LRBA: variants seen among roughly 807,000 people sequenced by gnomAD.
LRBA encodes the protein LPS responsive beige-like anchor protein.
LRBA carries 176 observed loss-of-function variants against 330.0 expected under a neutral mutation model. That is an observed-to-expected ratio of 0.53 (90% CI 0.47 to 0.60). The LOEUF (loss-of-function observed/expected upper bound fraction) is 0.60. Among genes scored for constraint, LRBA ranks in the 20% least tolerant of loss-of-function variants. The pLI is 0.00. For synonymous variants in LRBA, 1,230 were observed against 1,193.0 expected (o/e 1.03, Z -0.64); for missense variants, 3,259 against 3,444.8 (o/e 0.95, Z 1.35).
intron 53 of LRBA, among the ~76,000 whole-genome samples, chr4:150,294,674 A>G (rs985929333): frequency 1.3e-5 from 2 of 152,234 alleles, no homozygotes; most frequent in Non-Finnish European, 2.9e-5. Flanking sequence ...GCAGCAGGCC[A>G]GGCGCAGTGG....
intron 37 of LRBA, among the ~76,000 whole-genome samples, chr4:150,607,845 G>T (rs1425072048): frequency 6.6e-6 from 1 of 152,062 alleles, no homozygotes; most frequent in African/African-American, 2.4e-5. Flanking sequence ...GACCAGCCTG[G>T]CCAACGTGGT....
chr4:150,621,709 A>G lies in LRBA; in HGVS notation c.5922-22578T>C, dbSNP rs1581837965. ...TACACTTGCCTGTATGTTCAAAATC[A>G]TTACTTCCAGTTCCTCAGAAATCTC... On this transcript the variant is annotated intron_variant, in intron 37 of 56. Transcript: ENST00000651943. 2.0e-5 allele frequency among the ~76,000 whole-genome samples: 3 copies of G among 152,350 alleles called. No homozygotes were observed. The Middle Eastern group carries it at 0.01, about 518-fold the overall frequency.
chr4:150,524,999 T>C (rs893300444), intron 40 of LRBA, among the ~76,000 whole-genome samples: 2 of 152,168 alleles, frequency 1.3e-5, no homozygotes, highest in South Asian at 2.1e-4. Context: ...GACCTATATA[T>C]ATCTTGATAT....
chr4:150,817,086 A>G, intron 31 of LRBA, 38 bp downstream of exon 31: 1 of 1,596,444 alleles, frequency 6.3e-7, no homozygotes, highest in Non-Finnish European at 8.6e-7. Context: ...AATGAGATCT[A>G]AAAACATTTT....
chr4:150,520,771 A>G (rs1247441287), intron 40 of LRBA, among the ~76,000 whole-genome samples: 1 of 152,192 alleles, frequency 6.6e-6, no homozygotes, highest in Non-Finnish European at 1.5e-5. Flanking sequence ...AACAAGAGAC[A>G]CTGGGGCCTA....
chr4:150,765,131 T>C (rs561003235), intron 34 of LRBA, among the ~76,000 whole-genome samples: 7 of 148,964 alleles, frequency 4.7e-5, no homozygotes, highest in Non-Finnish European at 1.0e-4. Context: ...ATGGAGAAAA[T>C]GTAAAAGTAT....
chr4:150,755,169 C>T (rs746769209), intron 35 of LRBA, among the ~76,000 whole-genome samples: 36 of 152,134 alleles, frequency 2.4e-4, no homozygotes, highest in Non-Finnish European at 4.1e-4. Context: ...AAGGATGGAG[C>T]GGCTAAATGA....
intron 35 of LRBA, among the ~76,000 whole-genome samples, chr4:150,745,606 C>G (rs1166827338): frequency 6.6e-6 from 1 of 152,038 alleles, no homozygotes; most frequent in Non-Finnish European, 1.5e-5. Context: ...ACCTCTGGCT[C>G]CCTGGTTCAA....
chr4:150,428,580 C>T (rs58291469), intron 46 of LRBA, among the ~76,000 whole-genome samples: 3,393 of 152,150 alleles, frequency 0.022, 125 homozygotes, highest in African/African-American at 0.076. Flanking sequence ...CGCTATTTTT[C>T]CCAGGCTCTT....
chr4:151,015,231 C>T lies in LRBA; in HGVS notation c.-249G>A, dbSNP rs530994291. The stretch of plus-strand genomic sequence containing the variant: ...ATACTCCGGACTCGTCCTCACCCCC[C>T]GCCCAGGAGCAGCGAGACCGAGGTG... On this transcript the variant is annotated 5_prime_UTR_variant, in exon 1 of 57. Coordinates refer to ENST00000651943, the MANE Select transcript of LRBA (RefSeq NM_001364905.1). The T allele has an allele frequency of 2.0e-5, 3 of 152,854 alleles. No individual in the cohort carries two copies. Among genetic ancestry groups the T allele is most frequent in the African/African-American group, 7.2e-5 (3 of 41,460 alleles). The allele number at this position is 152,854 out of a possible 1,614,324, so 9.5% of individuals were successfully genotyped here.
intron 2 of LRBA, among the ~76,000 whole-genome samples, chr4:151,008,200 C>A (rs1744343856): frequency 6.6e-6 from 1 of 151,856 alleles, no homozygotes; most frequent in Non-Finnish European, 1.5e-5. Flanking sequence ...CCTGCCTCAG[C>A]CTCCCAAGCA....
intron 2 of LRBA, among the ~76,000 whole-genome samples, chr4:150,990,581 A>G (rs1416480598): frequency 6.6e-6 from 1 of 151,928 alleles, no homozygotes; most frequent in East Asian, 1.9e-4. Flanking sequence ...AAACAAAACA[A>G]AAGAATTAGC....
At position 150,324,212 on chromosome 4, in the gene LRBA, A is replaced by G. The variant is rs77570746; in HGVS notation, c.7452+1597T>C. 5.0e-3 allele frequency among the ~76,000 whole-genome samples: 756 copies of G among 152,294 alleles called. 6 individuals are homozygous for G. Among genetic ancestry groups the G allele is most frequent in the African/African-American group, 0.017 (724 of 41,562 alleles). ...AAGGCTGGGCAGTGACCCCAGCAGA[A>G]AGTCAATGGAGCAGAGGAGGTGCTT... On this transcript the variant is annotated intron_variant, in intron 49 of 56. Transcript: ENST00000651943.
At chr4:150,782,039 T>C (rs375188459) in intron 34 of LRBA, among the ~76,000 whole-genome samples, 1 of 152,146 alleles carries the variant, frequency 6.6e-6, no homozygotes, top group Non-Finnish European at 1.5e-5. Flanking sequence ...TCCCAGTAGC[T>C]AGGACTGCAG....
chr4:150,323,007 G>GTCTC (rs1466073184), intron 49 of LRBA, among the ~76,000 whole-genome samples: 3 of 137,144 alleles, frequency 2.2e-5, no homozygotes, highest in South Asian at 2.2e-4. Context: ...GTGTGTGTGT[G>GTCTC]TGTGTGTGTG....
At chr4:150,550,969 A>C (rs1373867792) in intron 40 of LRBA, among the ~76,000 whole-genome samples, 1 of 152,184 alleles carries the variant, frequency 6.6e-6, no homozygotes, top group Non-Finnish European at 1.5e-5. Flanking sequence ...ATGTGTTGGA[A>C]ACTGAATCCC....
intron 31 of LRBA, among the ~76,000 whole-genome samples, chr4:150,813,172 AAAAAGAAAG>A (rs1351650066): frequency 3.1e-5 from 4 of 127,472 alleles, no homozygotes; most frequent in Non-Finnish European, 6.7e-5. Context: ...AAAAAAAAAA[AAAAAGAAAG>A]AAAGAAAGAA....
At chr4:150,349,933 G>T in intron 48 of LRBA, 59 bp downstream of exon 48, 2 of 1,473,140 alleles carry the variant, frequency 1.4e-6, no homozygotes, top group Non-Finnish European at 1.9e-6. Flanking sequence ...GTGTTCTCTA[G>T]CTCCTTCTAG....
At chr4:150,771,206 G>C (rs759783760) in intron 34 of LRBA, among the ~76,000 whole-genome samples, 4 of 152,150 alleles carry the variant, frequency 2.6e-5, no homozygotes, top group Non-Finnish European at 5.9e-5. Flanking sequence ...GTAATAACAA[G>C]TGGTAACACT....
Sources: gnomAD v4.1 joint callset for allele counts (sites outside exome capture counted in the v4.1 genomes callset) on GRCh38, gnomAD v4.1.1 for gene constraint, MANE v1.5 for transcripts, NCBI Gene and HGNC (gene_info 2026-07-23, HGNC 2026-07-21) for gene names.